The following RYR3 variants were observed in gnomAD, a reference collection of about 807,000 sequenced individuals.
The protein encoded by RYR3 is ryanodine receptor 3.
RYR3 carries 207 observed loss-of-function variants against 584.3 expected under a neutral mutation model. That is an observed-to-expected ratio of 0.35 (90% CI 0.32 to 0.40). The LOEUF is 0.40. Ranked by LOEUF, RYR3 falls within the 10% of genes least tolerant of loss-of-function variation. RYR3 has a pLI of 1.00. For missense variants in RYR3, 5,616 were observed against 6,089.2 expected (o/e 0.92, Z 2.59); for synonymous variants, 2,416 against 2,248.5 (o/e 1.07, Z -2.11).
At chr15:33,458,682 C>T (rs923159310) in intron 1 of RYR3, among the ~76,000 whole-genome samples, 3 of 152,166 alleles carry the variant, frequency 2.0e-5, no homozygotes, top group Admixed American at 6.5e-5. Flanking sequence ...TTAAAGCTGA[C>T]CTATCATCTT....
chr15:33,533,335 A>T lies in RYR3; in HGVS notation c.379A>T (p.Arg127Ter). 6.2e-7 allele frequency: 1 copy of T among 1,607,776 alleles called. No individual in the cohort carries two copies. The change falls in exon 5 of 104, where the codon AGA (arginine) becomes TGA (stop). Residue 127 changes from arginine to a stop codon, truncating the protein, a stop_gained. Transcript: ENST00000634891. LOFTEE classifies it high-confidence loss of function. ...GMYLTCLTTS[R>*]SQTDKLAFDV... ...GTATCTAACATGCTTGACTACATCA[A>T]GATCCCAGACAGACAAACTTGCCTT...
chr15:33,787,218 A>G (rs920570559), intron 66 of RYR3, among the ~76,000 whole-genome samples: 3 of 152,178 alleles, frequency 2.0e-5, no homozygotes, highest in African/African-American at 7.2e-5. Flanking sequence ...GTAACCCCAA[A>G]TCACCCACAT....
intron 3 of RYR3, among the ~76,000 whole-genome samples, chr15:33,522,053 A>C (rs918540473): frequency 1.3e-5 from 2 of 150,448 alleles, no homozygotes; most frequent in African/African-American, 4.9e-5. Flanking sequence ...CATGAGTTCG[A>C]GACCAGCCTG....
intron 1 of RYR3, among the ~76,000 whole-genome samples, chr15:33,444,217 G>T (rs1353327444): frequency 6.6e-6 from 1 of 152,204 alleles, no homozygotes; most frequent in Non-Finnish European, 1.5e-5. Flanking sequence ...TTGTAGACAG[G>T]TGACACTAAT....
rs543993096 is a variant in RYR3 at position 33,769,906 on chromosome 15, G to A, written c.8816+734G>A. Reference sequence around the variant, plus strand: ...GGAGGTTGCAGTGAGCTGAGATCACGCCACTACACTCCAGCCTGGATGACA... The same window carrying A: ...GGAGGTTGCAGTGAGCTGAGATCACACCACTACACTCCAGCCTGGATGACA... On this transcript the variant is annotated intron_variant, in intron 62 of 103. Transcript: ENST00000634891. 3.9e-5 allele frequency among the ~76,000 whole-genome samples: 6 copies of A among 152,160 alleles called. No individual in the cohort carries two copies. In the South Asian group the frequency reaches 8.3e-4, roughly 21 times the overall value.
intron 3 of RYR3, among the ~76,000 whole-genome samples, chr15:33,521,992 G>A (rs572782920): frequency 1.2e-3 from 181 of 151,708 alleles, no homozygotes; most frequent in African/African-American, 4.2e-3. Flanking sequence ...GGTGGCTCAT[G>A]CCTGTAATCC....
intron 10 of RYR3, among the ~76,000 whole-genome samples, chr15:33,552,628 T>C (rs775903400): frequency 1.3e-5 from 2 of 152,212 alleles, no homozygotes; most frequent in African/African-American, 4.8e-5. Flanking sequence ...TTAAAATGGC[T>C]TAGGCTCTAT....
chr15:33,819,711 TAAATAAATAAA>T (rs748465837), intron 76 of RYR3, 34 bp from the exon 77 acceptor site: 16 of 882,244 alleles, frequency 1.8e-5, no homozygotes, highest in Non-Finnish European at 2.6e-5. Flanking sequence ...AATAAATAAA[TAAATAAATAAA>T]AAGCCTGCTA....
At chr15:33,516,220 G>T (rs989714286) in intron 3 of RYR3, among the ~76,000 whole-genome samples, 8 of 151,910 alleles carry the variant, frequency 5.3e-5, no homozygotes, top group East Asian at 3.9e-4. Flanking sequence ...TTCAATATAG[G>T]CTACTTTAAT....
intron 50 of RYR3, among the ~76,000 whole-genome samples, chr15:33,739,374 T>C (rs185226612): frequency 9.2e-5 from 14 of 152,236 alleles, no homozygotes; most frequent in African/African-American, 3.1e-4. Context: ...GAGAGAATGA[T>C]GGATATTGAG....
At chr15:33,586,599 C>T (rs73388603) in intron 16 of RYR3, among the ~76,000 whole-genome samples, 27 of 152,232 alleles carry the variant, frequency 1.8e-4, no homozygotes, top group Non-Finnish European at 3.2e-4. Context: ...TGAATCTGTG[C>T]GTGTGCAAGC....
intron 31 of RYR3, among the ~76,000 whole-genome samples, chr15:33,652,370 C>G (rs1391205028): frequency 6.6e-6 from 1 of 152,128 alleles, no homozygotes; most frequent in Admixed American, 6.5e-5. Context: ...GGTGGTCATT[C>G]ACTCCGTGCC....
intron 3 of RYR3, among the ~76,000 whole-genome samples, chr15:33,517,273 G>A (rs2053599375): frequency 1.3e-5 from 2 of 152,222 alleles, no homozygotes; most frequent in Non-Finnish European, 2.9e-5. Context: ...GATTACAGGT[G>A]TGAGCCACTG....
chr15:33,456,786 A>G (rs928661119), intron 1 of RYR3, among the ~76,000 whole-genome samples: 4 of 152,196 alleles, frequency 2.6e-5, no homozygotes, highest in Admixed American at 2.6e-4. Context: ...TCAATGCTGA[A>G]TCAGAAATCA....
chr15:33,470,248 G>T (rs1483784695), intron 1 of RYR3, among the ~76,000 whole-genome samples: 1 of 152,102 alleles, frequency 6.6e-6, no homozygotes, highest in Non-Finnish European at 1.5e-5. Context: ...TTCTAACTTA[G>T]TACTTTCTTC....
intron 1 of RYR3, among the ~76,000 whole-genome samples, chr15:33,431,796 T>G (rs1275346328): frequency 2.6e-5 from 4 of 151,966 alleles, no homozygotes; most frequent in African/African-American, 9.7e-5. Context: ...TCATAGAGGA[T>G]TTAGCCTTCT....
chr15:33,692,309 T>C (rs1280018929), intron 38 of RYR3, among the ~76,000 whole-genome samples: 2 of 152,210 alleles, frequency 1.3e-5, no homozygotes, highest in Admixed American at 1.3e-4. Context: ...CAAAAGTGTT[T>C]AGACCTTGAG....
intron 1 of RYR3, among the ~76,000 whole-genome samples, chr15:33,340,366 G>A (rs77840103): frequency 0.01 from 1,578 of 152,286 alleles, 10 homozygotes; most frequent in Non-Finnish European, 0.018. Flanking sequence ...TGATGTTGGA[G>A]GCTTGATCCA....
At chr15:33,826,541 C>A in intron 83 of RYR3, 131 bp from the exon 84 acceptor site, 1 of 858,708 alleles carries the variant, frequency 1.2e-6, no homozygotes, top group Non-Finnish European at 2.0e-6. Context: ...GGGCTTTTCA[C>A]CATTCATCCA....
Sources: gnomAD v4.1 joint callset for allele counts (sites outside exome capture counted in the v4.1 genomes callset) on GRCh38, gnomAD v4.1.1 for gene constraint, MANE v1.5 for transcripts, NCBI Gene and HGNC (gene_info 2026-07-23, HGNC 2026-07-21) for gene names.